The following OPRK1 variants were observed in gnomAD, a reference collection of about 807,000 sequenced individuals.
The protein encoded by OPRK1 is opioid receptor kappa 1, also known as kappa-type opioid receptor.
OPRK1 carries 15 observed loss-of-function variants against 24.5 expected under a neutral mutation model. That is an observed-to-expected ratio of 0.61 (90% CI 0.41 to 0.94). The LOEUF is 0.94. OPRK1 is among the 40% of genes least tolerant of loss of function. The pLI, the probability that OPRK1 is intolerant of heterozygous loss-of-function variation, is 0.00. For missense variants in OPRK1, 479 were observed against 507.3 expected, an observed-to-expected ratio of 0.94 and a Z score of 0.54; for synonymous variants, 205 against 198.0, an observed-to-expected ratio of 1.04 and a Z score of -0.30.
At chr8:53,249,816 T>C (rs1807325962) in intron 2 of OPRK1, among the ~76,000 whole-genome samples, 2 of 152,260 alleles carry the variant, frequency 1.3e-5, no homozygotes, top group South Asian at 4.2e-4. Context: ...CAGGGTGACT[T>C]GCATCCCGCC....
At chr8:53,249,058 A>C (rs1192224172) in intron 2 of OPRK1, among the ~76,000 whole-genome samples, 4 of 152,196 alleles carry the variant, frequency 2.6e-5, no homozygotes, top group Admixed American at 2.6e-4. Context: ...ATATTTGCAC[A>C]TAACATCTAA....
intron 3 of OPRK1, among the ~76,000 whole-genome samples, chr8:53,232,759 T>C (rs936500152): frequency 1.3e-5 from 2 of 152,234 alleles, no homozygotes; most frequent in Admixed American, 1.3e-4. Flanking sequence ...GAGTTAGTTC[T>C]AATAGCTAAA....
intron 2 of OPRK1, among the ~76,000 whole-genome samples, chr8:53,249,274 T>C (rs1400066405): frequency 6.6e-6 from 1 of 152,222 alleles, no homozygotes; most frequent in African/African-American, 2.4e-5. Flanking sequence ...AATGTTTCTA[T>C]TACCCCACCA....
intron 2 of OPRK1, among the ~76,000 whole-genome samples, chr8:53,247,815 G>A (rs1266996055): frequency 6.6e-6 from 1 of 151,776 alleles, no homozygotes; most frequent in Non-Finnish European, 1.5e-5. Context: ...GCACAACATG[G>A]TGCAACTCCA....
rs952771791 is a variant in OPRK1, at chr8:53,226,172, T to C, written c.*3125A>G. On this transcript the variant is annotated 3_prime_UTR_variant, in exon 4 of 4. Transcript: ENST00000265572. ...ACAGAATAGAACCATTTTCTTAAGA[T>C]TTTATGTGACTCTTTATTGATTTTT... 2 of 151,946 alleles carry C rather than the reference T, an allele frequency of 1.3e-5. No homozygotes were observed. Among genetic ancestry groups the C allele is most frequent in the South Asian group, 4.1e-4 (2 of 4,828 alleles). The allele number at this position is 151,946 out of a possible 1,614,324, so 9.4% of individuals were successfully genotyped here.
rs1456311235 is a variant in OPRK1 at position 53,251,072 on chromosome 8, C to G, written c.-35G>C. 2 of 1,457,088 alleles carry G rather than the reference C, an allele frequency of 1.4e-6. No homozygotes were observed. Among genetic ancestry groups the G allele is most frequent in the Non-Finnish European group, 1.8e-6 (2 of 1,111,636 alleles). 90.3% of individuals were successfully genotyped at this position (1,457,088 alleles called of 1,614,324 possible). A position where few individuals can be genotyped will look rare whatever the true frequency, so the allele number is the denominator to read the frequency against. On this transcript the variant is annotated 5_prime_UTR_variant, in exon 2 of 4. Coordinates refer to ENST00000265572, the MANE Select transcript of OPRK1 (RefSeq NM_000912.5). ...ATTGCAGCAGGAAGGCGAGGACAGG[C>G]GGCACCTGCGGCGCTGCGGGAGCGA...
At chr8:53,238,616 T>A in intron 2 of OPRK1, 2 of 985,430 alleles carry the variant, frequency 2.0e-6, no homozygotes, top group South Asian at 9.4e-5. Context: ...AGTGACACTT[T>A]AACTCAAGAC....
intron 3 of OPRK1, among the ~76,000 whole-genome samples, chr8:53,231,545 A>G (rs996686737): frequency 1.3e-5 from 2 of 152,110 alleles, no homozygotes; most frequent in African/African-American, 4.8e-5. Context: ...TACATGTTAT[A>G]TTCACCCAAT....
Position 53,229,753 on chromosome 8 carries a change from G to T in OPRK1, c.687C>A (p.Cys229Ter), listed in dbSNP as rs201496681. Residue 229 changes from cysteine (C) to a stop codon, truncating the protein, a stop_gained, in exon 4 of 4, where the codon TGC becomes TGA. Coordinates refer to ENST00000265572, the MANE Select transcript of OPRK1 (RefSeq NM_000912.5). LOFTEE classifies it high-confidence loss of function. ...GGATCACGAAGGCAAAGATGAAGAC[G>T]CAGATCTTCATGAAGAGGTCCCACC... is the stretch of plus-strand genomic sequence containing the variant. ...YSWWDLFMKICVFIFAFVIPV... is the reference protein window; with the variant it reads ...YSWWDLFMKI 1 of 1,613,440 alleles carries T rather than the reference G, an allele frequency of 6.2e-7. No individual in the cohort carries two copies. The highest frequency in any genetic ancestry group is 8.5e-7 in the Non-Finnish European group (1 of 1,179,724).
intron 2 of OPRK1, among the ~76,000 whole-genome samples, chr8:53,243,407 A>G (rs1807158990): frequency 6.6e-6 from 1 of 152,250 alleles, no homozygotes; most frequent in African/African-American, 2.4e-5. Flanking sequence ...GCATCAGAAA[A>G]CACGTAAAGT....
chr8:53,251,014 G>C lies in OPRK1; in HGVS notation c.24C>G (p.Phe8Leu). 2 of 1,569,088 alleles carry C rather than the reference G, an allele frequency of 1.3e-6. No individual in the cohort carries two copies. Among genetic ancestry groups the C allele is most frequent in the Non-Finnish European group, 1.7e-6 (2 of 1,161,026 alleles). Residue 8 changes from phenylalanine (F) to leucine (L), a missense_variant, in exon 2 of 4, where the codon TTC (phenylalanine) becomes TTG (leucine). Coordinates refer to ENST00000265572, the MANE Select transcript of OPRK1 (RefSeq NM_000912.5). ...CGCAGGTAGGGCCCGGCTCCCCGCG[G>C]AAGATCTGGATCGGGGAGTCCATGG... MDSPIQI[F>L]RGEPGPTCAP...
intron 3 of OPRK1, among the ~76,000 whole-genome samples, chr8:53,233,511 T>C (rs1806905596): frequency 6.6e-6 from 1 of 152,210 alleles, no homozygotes; most frequent in Non-Finnish European, 1.5e-5. Flanking sequence ...ATCCTCACTA[T>C]ATACACTCAG....
chr8:53,238,532 T>A, intron 2 of OPRK1: 1 of 985,380 alleles, frequency 1.0e-6, no homozygotes, highest in Non-Finnish European at 1.2e-6. Context: ...GGAACTTGAG[T>A]TGTGAGCACC....
At chr8:53,246,415 G>T (rs1341521602) in intron 2 of OPRK1, among the ~76,000 whole-genome samples, 1 of 152,206 alleles carries the variant, frequency 6.6e-6, no homozygotes, top group Non-Finnish European at 1.5e-5. Flanking sequence ...GCCTACCCAT[G>T]ACAGGCAGGA....
intron 2 of OPRK1, chr8:53,238,770 C>T (rs939984178): frequency 1.3e-5 from 12 of 936,860 alleles, no homozygotes; most frequent in Non-Finnish European, 1.3e-5. Context: ...TCTGGGAGGA[C>T]GTGACACTCA....
At position 53,225,779 on chromosome 8, in the gene OPRK1, A is replaced by G. The variant is rs1806665772; in HGVS notation, c.*3518T>C. 1 of 152,688 alleles carries G rather than the reference A, an allele frequency of 6.5e-6. No individual in the cohort carries two copies. Among genetic ancestry groups the G allele is most frequent in the South Asian group, 2.1e-4 (1 of 4,836 alleles). The allele number at this position is 152,688 out of a possible 1,614,324, so 9.5% of individuals were successfully genotyped here. ...TTGCAAGGCACACAATCGTATATAC[A>G]ATGCATAATTATCATCTTTTAAAGT... On this transcript the variant is annotated 3_prime_UTR_variant, in exon 4 of 4. Coordinates refer to ENST00000265572, the MANE Select transcript of OPRK1 (RefSeq NM_000912.5).
chr8:53,242,233 C>A lies in OPRK1; in HGVS notation c.258-7122G>T, dbSNP rs117246177. Among the ~76,000 whole-genome samples, 4 of 152,202 alleles carry A rather than the reference C, an allele frequency of 2.6e-5. No individual in the cohort carries two copies. In the South Asian group the frequency reaches 8.3e-4, roughly 32 times the overall value. On this transcript the variant is annotated intron_variant, in intron 2 of 3. Coordinates refer to ENST00000265572, the MANE Select transcript of OPRK1 (RefSeq NM_000912.5). Reference sequence around the variant, plus strand: ...CTGCCCTCTACCCATGAAGCCAGTTCTCCACTGGACAGGAAGCAACCCAGC... The same window carrying A: ...CTGCCCTCTACCCATGAAGCCAGTTATCCACTGGACAGGAAGCAACCCAGC...
At chr8:53,239,378 G>C (rs961256569) in intron 2 of OPRK1, among the ~76,000 whole-genome samples, 1 of 152,236 alleles carries the variant, frequency 6.6e-6, no homozygotes, top group African/African-American at 2.4e-5. Flanking sequence ...ATTCTGAAGA[G>C]AAAATTTAGC....
chr8:53,250,930 G>T lies in OPRK1; in HGVS notation c.108C>A (p.Pro36=). 6.2e-7 allele frequency: 1 copy of T among 1,611,656 alleles called. No homozygotes were observed. Among genetic ancestry groups the T allele is most frequent in the Non-Finnish European group, 8.5e-7 (1 of 1,179,004 alleles). ...SSAWFPGWAE[P]DSNGSAGSED... ...CCGAGCCGGCGCTGCCGTTGCTGTC[G>T]GGCTCGGCCCAGCCGGGAAACCAGG... The change falls in exon 2 of 4, where the codon CCC becomes CCA. Residue 36 remains proline, a synonymous_variant. Coordinates refer to ENST00000265572, the MANE Select transcript of OPRK1 (RefSeq NM_000912.5).
Sources: allele counts gnomAD v4.1 joint callset (sites outside exome capture counted in the v4.1 genomes callset), GRCh38; gene constraint gnomAD v4.1.1; transcripts MANE v1.5; gene names NCBI Gene and HGNC (gene_info 2026-07-23, HGNC 2026-07-21).